ANKHD1: variants seen among roughly 807,000 people sequenced by gnomAD.
ANKHD1 encodes ankyrin repeat and KH domain containing 1, also known as ankyrin repeat and KH domain-containing protein 1.
A neutral mutation model predicts 230.5 loss-of-function variants in ANKHD1; 31 were observed. The observed-to-expected ratio is 0.13, with a 90% CI of 0.10 to 0.18. The LOEUF is 0.18. ANKHD1 is among the 10% of genes least tolerant of loss of function. The pLI is 1.00. For missense variants in ANKHD1, 2,256 were observed against 3,071.3 expected (o/e 0.73, Z 6.27); for synonymous variants, 1,074 against 1,117.6 (o/e 0.96, Z 0.78).
Position 140,423,607 on chromosome 5 carries a change from A to G in ANKHD1, c.307-12497A>G, listed in dbSNP as rs1772165451. ...GCACTTCTGGTTCCCTCTGTCAGGT[A>G]CATTCTCTTAGATATCCATGTGGCT... On this transcript the variant is annotated intron_variant, in intron 1 of 33. Coordinates refer to ENST00000360839, the MANE Select transcript of ANKHD1 (RefSeq NM_017747.3). Among the ~76,000 whole-genome samples, 9 of 152,216 alleles carry G rather than the reference A, an allele frequency of 5.9e-5. 1 individual carries two copies. The South Asian group carries it at 1.9e-3, about 31-fold the overall frequency.
At chr5:140,473,060 C>T (rs1040747543) in intron 10 of ANKHD1, among the ~76,000 whole-genome samples, 2 of 149,174 alleles carry the variant, frequency 1.3e-5, no homozygotes, top group African/African-American at 4.9e-5. Flanking sequence ...GAGTCTCGCC[C>T]TGTTGCCCAG....
intron 24 of ANKHD1, among the ~76,000 whole-genome samples, chr5:140,516,322 G>A (rs927063054): frequency 2.0e-4 from 30 of 152,310 alleles, no homozygotes; most frequent in Non-Finnish European, 2.9e-4. Context: ...ACGTCTGATT[G>A]GTGTACCTGA....
At chr5:140,516,874 G>C (rs1453193618) in intron 24 of ANKHD1, among the ~76,000 whole-genome samples, 1 of 151,774 alleles carries the variant, frequency 6.6e-6, no homozygotes, top group Non-Finnish European at 1.5e-5. Flanking sequence ...GGAAGAAACT[G>C]CATCAACTAA....
intron 22 of ANKHD1, 124 bp from the exon 23 acceptor site, chr5:140,512,704 G>T: frequency 4.1e-6 from 3 of 730,906 alleles, no homozygotes; most frequent in African/African-American, 1.9e-5. Context: ...TTCTTAAATT[G>T]GTAGGCATAT....
intron 5 of ANKHD1, among the ~76,000 whole-genome samples, chr5:140,445,132 T>C (rs1404152697): frequency 6.6e-6 from 1 of 151,682 alleles, no homozygotes; most frequent in Non-Finnish European, 1.5e-5. Flanking sequence ...AGTGCTGGGA[T>C]TACAGGTGTG....
At chr5:140,412,696 A>G (rs1771038128) in intron 1 of ANKHD1, among the ~76,000 whole-genome samples, 1 of 152,206 alleles carries the variant, frequency 6.6e-6, no homozygotes, top group South Asian at 2.1e-4. Context: ...GTTTTACAAT[A>G]TTGTTATATT....
chr5:140,503,340 A>G (rs61604963), intron 15 of ANKHD1, among the ~76,000 whole-genome samples: 4,085 of 151,994 alleles, frequency 0.027, 194 homozygotes, highest in African/African-American at 0.094. Flanking sequence ...AGTATTGACA[A>G]TCCTATAAAA....
At chr5:140,412,184 G>A (rs1261128213) in intron 1 of ANKHD1, among the ~76,000 whole-genome samples, 6 of 151,808 alleles carry the variant, frequency 4.0e-5, no homozygotes, top group African/African-American at 1.5e-4. Flanking sequence ...TTACAGGTGC[G>A]TGCCACCATG....
intron 14 of ANKHD1, among the ~76,000 whole-genome samples, chr5:140,493,542 C>T (rs999259038): frequency 6.6e-6 from 1 of 152,148 alleles, no homozygotes; most frequent in East Asian, 1.9e-4. Flanking sequence ...TTGTCTTAAT[C>T]TCTACCCAGA....
chr5:140,476,456 A>T (rs752058101), intron 10 of ANKHD1, among the ~76,000 whole-genome samples: 8 of 152,042 alleles, frequency 5.3e-5, no homozygotes, highest in Non-Finnish European at 1.2e-4. Flanking sequence ...AAGCTATCAG[A>T]GGAAAAAAAC....
chr5:140,528,108 T>C (rs1173897516), intron 28 of ANKHD1, 76 bp from the exon 29 acceptor site: 18 of 1,550,754 alleles, frequency 1.2e-5, no homozygotes, highest in Non-Finnish European at 1.6e-5. Context: ...TTAAGAACTT[T>C]ATTTGATGGT....
At chr5:140,410,145 T>G (rs1280479893) in intron 1 of ANKHD1, among the ~76,000 whole-genome samples, 3 of 152,178 alleles carry the variant, frequency 2.0e-5, no homozygotes, top group Non-Finnish European at 4.4e-5. Context: ...CCCACATATC[T>G]TGCTCTTTAT....
At chr5:140,416,073 T>C (rs1771359019) in intron 1 of ANKHD1, among the ~76,000 whole-genome samples, 1 of 152,198 alleles carries the variant, frequency 6.6e-6, no homozygotes, top group Non-Finnish European at 1.5e-5. Flanking sequence ...TTGCTCAGAA[T>C]GATGGTTTCC....
intron 15 of ANKHD1, among the ~76,000 whole-genome samples, chr5:140,503,379 C>T (rs1431749839): frequency 6.6e-6 from 1 of 151,796 alleles, no homozygotes; most frequent in Non-Finnish European, 1.5e-5. Flanking sequence ...ATTGAGCACC[C>T]ACCATTTGCT....
At chr5:140,524,482 A>G (rs1163246309) in intron 25 of ANKHD1, among the ~76,000 whole-genome samples, 3 of 152,246 alleles carry the variant, frequency 2.0e-5, no homozygotes, top group African/African-American at 4.8e-5. Context: ...GTCACCTTGT[A>G]AAACACTGCA....
At chr5:140,532,878 C>G (rs1012343123) in intron 29 of ANKHD1, 1 of 368,212 alleles carries the variant, frequency 2.7e-6, no homozygotes, top group Admixed American at 3.5e-5. Context: ...GGGTGGATCA[C>G]TTGAAGTCAG....
intron 2 of ANKHD1, among the ~76,000 whole-genome samples, chr5:140,436,631 A>G (rs902125893): frequency 7.2e-5 from 11 of 152,062 alleles, no homozygotes; most frequent in African/African-American, 2.4e-4. Context: ...CTGTAGTCCC[A>G]GCTACTCAGG....
At chr5:140,531,963 C>A (rs1753845247) in intron 29 of ANKHD1, among the ~76,000 whole-genome samples, 1 of 152,060 alleles carries the variant, frequency 6.6e-6, no homozygotes, top group African/African-American at 2.4e-5. Flanking sequence ...AATCCCAGCA[C>A]TTTGGGAGGC....
At chr5:140,469,556 A>G (rs1042193990) in intron 10 of ANKHD1, among the ~76,000 whole-genome samples, 1 of 152,070 alleles carries the variant, frequency 6.6e-6, no homozygotes, top group African/African-American at 2.4e-5. Context: ...AATTAGCCCT[A>G]TTAATTGCTC....
Sources: gnomAD v4.1 joint callset for allele counts (sites outside exome capture counted in the v4.1 genomes callset) on GRCh38, gnomAD v4.1.1 for gene constraint, MANE v1.5 for transcripts, NCBI Gene and HGNC (gene_info 2026-07-23, HGNC 2026-07-21) for gene names.